MATCAP1: variants seen among roughly 807,000 people sequenced by gnomAD.
The protein encoded by MATCAP1 is microtubule-associated tyrosine carboxypeptidase 1.
chr16:67,178,838 T>G, the MATCAP1 span: 7 of 572,032 alleles, frequency 1.2e-5, no homozygotes, highest in Non-Finnish European at 1.3e-5. Flanking sequence ...AGAATACATA[T>G]ACCACCCTGC....
At chr16:67,179,334 CA>C in the MATCAP1 span, 1 of 1,514,644 alleles carries the variant, frequency 6.6e-7, no homozygotes, top group Non-Finnish European at 8.8e-7. The surrounding 1 kb of genome is among the most constrained non-coding windows in gnomAD (Gnocchi z 5.2). Context: ...GGGGGAGAAA[CA>C]AAAAGGGGAG....
the MATCAP1 span, among the ~76,000 whole-genome samples, chr16:67,177,185 C>T: frequency 2.0e-5 from 3 of 152,232 alleles, no homozygotes; most frequent in East Asian, 5.8e-4. Context: ...TCATAGATGC[C>T]CTACAACCCC....
the MATCAP1 span, chr16:67,183,840 T>TG: frequency 1.8e-4 from 31 of 172,096 alleles, no homozygotes; most frequent in Non-Finnish European, 2.8e-4. Context: ...TCCCGGCCTT[T>TG]GGGGGGGTCC....
chr16:67,180,376 G>A, the MATCAP1 span: 11 of 1,612,718 alleles, frequency 6.8e-6, no homozygotes, highest in African/African-American at 2.7e-5. Flanking sequence ...CTCTCACTGC[G>A]ACGCATGTGG....
chr16:67,179,591 C>T, the MATCAP1 span: 1 of 1,599,636 alleles, frequency 6.3e-7, no homozygotes, highest in Non-Finnish European at 8.6e-7. This position sits in a 1 kb window ranked among gnomAD's most constrained non-coding sequence, Gnocchi z 5.2. Flanking sequence ...TGAGCCATGG[C>T]CACCAGCCTG....
At chr16:67,176,984 G>A in the MATCAP1 span, 7 of 1,537,176 alleles carry the variant, frequency 4.6e-6, no homozygotes, top group African/African-American at 1.4e-5. The surrounding 1 kb of genome is among the most constrained non-coding windows in gnomAD (Gnocchi z 4.3). Flanking sequence ...ACCTGCAGGA[G>A]GAAGCCGGGC....
the MATCAP1 span, chr16:67,176,991 G>A: frequency 1.8e-5 from 28 of 1,533,080 alleles, no homozygotes; most frequent in African/African-American, 1.3e-4. The surrounding 1 kb of genome is among the most constrained non-coding windows in gnomAD (Gnocchi z 4.3). Context: ...GGAGGAAGCC[G>A]GGCATCAGGC....
chr16:67,178,200 T>G, the MATCAP1 span: 3 of 1,296,842 alleles, frequency 2.3e-6, no homozygotes, highest in East Asian at 5.0e-5. Context: ...GGCGCACACC[T>G]GGCAGCGAGG....
At chr16:67,180,956 G>A in the MATCAP1 span, among the ~76,000 whole-genome samples, 5 of 152,254 alleles carry the variant, frequency 3.3e-5, no homozygotes, top group East Asian at 7.7e-4. Flanking sequence ...CCAACTCCTG[G>A]CCTGAAGTGA....
At chr16:67,183,446 A>T in the MATCAP1 span, 6 of 152,152 alleles carry the variant, frequency 3.9e-5, no homozygotes, top group Non-Finnish European at 5.9e-5. Flanking sequence ...TTCTTTACTC[A>T]GAGCTGTCAC....
chr16:67,180,195 A>G, the MATCAP1 span: 2 of 1,614,222 alleles, frequency 1.2e-6, no homozygotes, highest in South Asian at 1.1e-5. Flanking sequence ...GGCCACCAAC[A>G]TGCAGGGGCT....
the MATCAP1 span, among the ~76,000 whole-genome samples, chr16:67,177,476 G>A: frequency 5.9e-5 from 9 of 152,262 alleles, no homozygotes; most frequent in East Asian, 7.7e-4. Flanking sequence ...CCAACCCAGC[G>A]GCCACTGCCT....
the MATCAP1 span, chr16:67,179,354 G>T: frequency 1.8e-4 from 276 of 1,526,798 alleles, no homozygotes; most frequent in Non-Finnish European, 2.1e-4. The surrounding 1 kb of genome is among the most constrained non-coding windows in gnomAD (Gnocchi z 5.2). Context: ...AGTTATTGGG[G>T]CCCCTCCTTC....
At chr16:67,179,228 GC>G in the MATCAP1 span, 1 of 1,410,376 alleles carries the variant, frequency 7.1e-7, no homozygotes, top group Non-Finnish European at 9.2e-7. This position sits in a 1 kb window ranked among gnomAD's most constrained non-coding sequence, Gnocchi z 5.2. Context: ...ATGAGAGCGA[GC>G]CCAGAGCATG....
At chr16:67,176,130 G>C in the MATCAP1 span, 3 of 149,608 alleles carry the variant, frequency 2.0e-5, no homozygotes, top group Non-Finnish European at 4.3e-5. The surrounding 1 kb of genome is among the most constrained non-coding windows in gnomAD (Gnocchi z 4.3). Flanking sequence ...TAATGGGAGT[G>C]GGGCTGGGAA....
At chr16:67,180,584 C>T in the MATCAP1 span, 829 of 1,521,724 alleles carry the variant, frequency 5.4e-4, 2 homozygotes, top group Non-Finnish European at 6.4e-4. Context: ...CCTGATCATA[C>T]GCCTGAGCCC....
the MATCAP1 span, chr16:67,179,918 G>A: frequency 6.2e-7 from 1 of 1,614,236 alleles, no homozygotes; most frequent in Non-Finnish European, 8.5e-7. This position sits in a 1 kb window ranked among gnomAD's most constrained non-coding sequence, Gnocchi z 5.2. Flanking sequence ...GTGTTCATAG[G>A]TTCCAAACTT....
chr16:67,180,300 C>T, the MATCAP1 span: 770 of 1,612,416 alleles, frequency 4.8e-4, 4 homozygotes, highest in African/African-American at 8.8e-3. Flanking sequence ...GTTCCGTCCC[C>T]GTCCAGGTGG....
the MATCAP1 span, chr16:67,178,355 A>C: frequency 5.7e-6 from 9 of 1,572,406 alleles, no homozygotes; most frequent in South Asian, 1.0e-4. Flanking sequence ...GCAGCGCGCC[A>C]CAGGAACGGC....
Sources: allele counts gnomAD v4.1 joint callset (sites outside exome capture counted in the v4.1 genomes callset), GRCh38; gene constraint gnomAD v4.1.1; non-coding constraint Gnocchi (gnomAD v3.1); transcripts MANE v1.5; gene names NCBI Gene and HGNC (gene_info 2026-07-23, HGNC 2026-07-21).